The following THSD7A variants were observed in gnomAD, a reference collection of about 807,000 sequenced individuals.
THSD7A encodes thrombospondin type-1 domain-containing protein 7A.
THSD7A carries 96 observed loss-of-function variants against 231.3 expected under a neutral mutation model. The observed-to-expected ratio is 0.41, with a 90% CI of 0.35 to 0.49. The LOEUF is 0.49. Ranked by LOEUF, THSD7A falls within the 20% of genes least tolerant of loss-of-function variation. The pLI, the probability that THSD7A is intolerant of heterozygous loss-of-function variation, is 0.05. For missense variants in THSD7A, 2,290 were observed against 2,070.2 expected (o/e 1.11, Z -2.06); for synonymous variants, 940 against 743.3 (o/e 1.26, Z -4.30).
intron 6 of THSD7A, among the ~76,000 whole-genome samples, chr7:11,527,357 A>G (rs536263971): frequency 7.9e-5 from 12 of 152,222 alleles, no homozygotes; most frequent in Non-Finnish European, 1.8e-4. Context: ...GAAAAATAAA[A>G]AAAAAGGAAT....
At chr7:11,530,684 T>A (rs1215668985) in intron 6 of THSD7A, among the ~76,000 whole-genome samples, 1 of 152,066 alleles carries the variant, frequency 6.6e-6, no homozygotes, top group Non-Finnish European at 1.5e-5. Flanking sequence ...AATTCCCAAA[T>A]GGACTTCACG....
chr7:11,432,405 G>A (rs999042424), intron 13 of THSD7A, among the ~76,000 whole-genome samples: 25 of 152,008 alleles, frequency 1.6e-4, no homozygotes, highest in Non-Finnish European at 3.2e-4. Context: ...TTCCATAGAC[G>A]TAAATTTCAC....
rs1783627407 is a variant in THSD7A, at chr7:11,407,517, A to C, written c.3799-94T>G. The C allele has an allele frequency of 3.5e-6, 3 of 859,330 alleles. No individual in the cohort carries two copies. The Admixed American group carries it at 7.2e-5, about 20-fold the overall frequency. The allele number at this position is 859,330 out of a possible 1,614,324, so 53.2% of individuals were successfully genotyped here. A position where few individuals can be genotyped will look rare whatever the true frequency, so the allele number is the denominator to read the frequency against. On this transcript the variant is annotated intron_variant, in intron 19 of 27. Coordinates refer to ENST00000423059, the MANE Select transcript of THSD7A (RefSeq NM_015204.3). ...AAGAAAGAAGAGAAGGAGGGAGAAA[A>C]AGCAAGCCACATAAGAGAATAAAAT... is the stretch of plus-strand genomic sequence containing the variant.
At chr7:11,417,985 T>C (rs1269597408) in intron 16 of THSD7A, among the ~76,000 whole-genome samples, 1 of 152,180 alleles carries the variant, frequency 6.6e-6, no homozygotes, top group Non-Finnish European at 1.5e-5. Context: ...GTAGAGGGCT[T>C]ACAATTTGGC....
At position 11,375,851 on chromosome 7, in the gene THSD7A, CCTT is replaced by C. The variant is rs1345939608; in HGVS notation, c.4914_4916del (p.Arg1639del). 1 of 1,612,430 alleles carries C rather than the reference CCTT, an allele frequency of 6.2e-7. No homozygotes were observed. Among genetic ancestry groups the C allele is most frequent in the Non-Finnish European group, 8.5e-7 (1 of 1,179,022 alleles). ...TTAAAGGTTTCAGTCGGTTGTTTTG[CCTT>C]CTTTGGGGTTTCTTTGGCTTTTTGC... On this transcript the variant is annotated inframe_deletion, in exon 28 of 28. Coordinates refer to ENST00000423059, the MANE Select transcript of THSD7A (RefSeq NM_015204.3).
chr7:11,672,906 T>A (rs898400790), intron 1 of THSD7A, among the ~76,000 whole-genome samples: 1 of 152,190 alleles, frequency 6.6e-6, no homozygotes, highest in African/African-American at 2.4e-5. Context: ...TAATTTTAAT[T>A]AGTTTCAGCT....
chr7:11,597,753 C>A (rs966524485), intron 2 of THSD7A, among the ~76,000 whole-genome samples: 7 of 152,146 alleles, frequency 4.6e-5, no homozygotes, highest in Non-Finnish European at 1.0e-4. Flanking sequence ...ACCCATCTAG[C>A]CATAAAGTGG....
chr7:11,572,011 C>T (rs1446823659), intron 4 of THSD7A, among the ~76,000 whole-genome samples: 5 of 151,766 alleles, frequency 3.3e-5, no homozygotes, highest in African/African-American at 1.2e-4. Flanking sequence ...CAGATCATTC[C>T]CTTCTTTCTC....
chr7:11,402,241 C>T (rs147180465), intron 22 of THSD7A, among the ~76,000 whole-genome samples: 98 of 152,280 alleles, frequency 6.4e-4, no homozygotes, highest in African/African-American at 2.2e-3. Flanking sequence ...CACCGTAATT[C>T]ATCTCTTCTT....
chr7:11,630,474 A>G (rs925140970), intron 2 of THSD7A, among the ~76,000 whole-genome samples: 13 of 152,212 alleles, frequency 8.5e-5, no homozygotes, highest in African/African-American at 3.1e-4. Flanking sequence ...GGTTATTATA[A>G]TATTCACCCC....
chr7:11,602,802 G>A (rs1446241743), intron 2 of THSD7A, among the ~76,000 whole-genome samples: 1 of 151,594 alleles, frequency 6.6e-6, no homozygotes, highest in African/African-American at 2.4e-5. Flanking sequence ...CTGGTGGTGA[G>A]GTGGGAAAAT....
chr7:11,452,472 C>A (rs570779315), intron 11 of THSD7A, among the ~76,000 whole-genome samples: 1 of 152,018 alleles, frequency 6.6e-6, no homozygotes, highest in South Asian at 2.1e-4. Context: ...AAGAAATGTA[C>A]CTTCATTTTT....
intron 1 of THSD7A, among the ~76,000 whole-genome samples, chr7:11,683,606 C>A (rs1183950495): frequency 1.3e-5 from 2 of 151,876 alleles, no homozygotes; most frequent in Admixed American, 6.6e-5. Flanking sequence ...TCTATGCATA[C>A]AAGCTAGAAA....
rs560502292 is a variant in THSD7A at position 11,379,642 on chromosome 7, C to T, written c.4578G>A (p.Ser1526=). The change falls in exon 25 of 28, where the codon TCG becomes TCA. Residue 1526 remains serine, a synonymous_variant. Transcript: ENST00000423059. ...SCNPPCSQPH[S]YCSETKTCHC... ...AATTTTCACATACCTCGCTACAGTA[C>T]GAGTGGGGTTGACTACACGGTGGGT... 62 of 1,584,214 alleles carry T rather than the reference C, an allele frequency of 3.9e-5. No homozygotes were observed. Among genetic ancestry groups the T allele is most frequent in the South Asian group, 2.7e-4 (23 of 86,452 alleles).
chr7:11,510,947 G>C (rs1443615635), intron 6 of THSD7A, among the ~76,000 whole-genome samples: 1 of 151,904 alleles, frequency 6.6e-6, no homozygotes, highest in Non-Finnish European at 1.5e-5. Context: ...AATCAGGCAG[G>C]AGCAACAAAT....
intron 6 of THSD7A, among the ~76,000 whole-genome samples, chr7:11,484,776 C>A (rs529303608): frequency 2.6e-5 from 4 of 151,092 alleles, no homozygotes; most frequent in South Asian, 2.1e-4. Context: ...TGCTCTAGGG[C>A]CTCCCGAAAG....
chr7:11,569,884 G>A (rs187097750), intron 4 of THSD7A, among the ~76,000 whole-genome samples: 1 of 152,272 alleles, frequency 6.6e-6, no homozygotes, highest in East Asian at 1.9e-4. Flanking sequence ...CTACATGGAT[G>A]AAACTAGGCT....
At chr7:11,542,030 A>G (rs1789173107) in intron 5 of THSD7A, among the ~76,000 whole-genome samples, 1 of 152,240 alleles carries the variant, frequency 6.6e-6, no homozygotes, top group South Asian at 2.1e-4. Flanking sequence ...CTATTTAGAA[A>G]TACCGATGAC....
chr7:11,683,984 A>C (rs1023875792), intron 1 of THSD7A, among the ~76,000 whole-genome samples: 2 of 152,066 alleles, frequency 1.3e-5, no homozygotes, highest in African/African-American at 4.8e-5. Context: ...TATCCTCTAC[A>C]AAATATTAGC....
Sources: allele counts gnomAD v4.1 joint callset (sites outside exome capture counted in the v4.1 genomes callset), GRCh38; gene constraint gnomAD v4.1.1; transcripts MANE v1.5; gene names NCBI Gene and HGNC (gene_info 2026-07-23, HGNC 2026-07-21).